The following PCDHA11 variants were observed in gnomAD, a reference collection of about 807,000 sequenced individuals.
PCDHA11 encodes the protein protocadherin alpha-11.
In PCDHA11, 61 loss-of-function variants were observed where a neutral mutation model predicts 70.3. The ratio of observed to expected loss-of-function variants is 0.87; its 90% CI spans 0.71 to 1.07. The LOEUF is 1.07. PCDHA11 is among the 50% of genes least tolerant of loss of function. The probability of loss-of-function intolerance (pLI) is 0.00; values close to 1 mark genes in which losing one functional copy is unlikely to be tolerated. For missense variants in PCDHA11, 1,324 were observed against 1,237.5 expected (o/e 1.07, Z -1.05); for synonymous variants, 633 against 555.1 (o/e 1.14, Z -1.97).
chr5:141,000,418 T>C (rs2097923101), intron 3 of PCDHA11, among the ~76,000 whole-genome samples: 1 of 83,682 alleles, frequency 1.2e-5, no homozygotes, highest in Admixed American at 1.7e-4. Flanking sequence ...TATATATATA[T>C]ATATTTTTTT....
chr5:140,902,209 T>C (rs1583451921), intron 1 of PCDHA11, among the ~76,000 whole-genome samples: 2 of 150,148 alleles, frequency 1.3e-5, no homozygotes, highest in African/African-American at 4.9e-5. Context: ...CTTTCTTTTT[T>C]TTTTTTTTTT....
chr5:140,924,752 G>A (rs970314481), intron 1 of PCDHA11, among the ~76,000 whole-genome samples: 5 of 151,648 alleles, frequency 3.3e-5, no homozygotes, highest in South Asian at 2.1e-4. Context: ...AAAATTAACC[G>A]AGCATGGTGG....
At chr5:140,998,300 G>C (rs1287043977) in intron 3 of PCDHA11, among the ~76,000 whole-genome samples, 1 of 152,194 alleles carries the variant, frequency 6.6e-6, no homozygotes, top group Non-Finnish European at 1.5e-5. Context: ...CACACATTTA[G>C]TAAGGGCACC....
rs2052595345 is a variant in PCDHA11 at position 140,870,976 on chromosome 5, C to T, written c.1873C>T (p.Leu625=). The change falls in exon 1 of 4, where the codon CTG becomes TTG. Residue 625 remains leucine (L), a synonymous_variant. Transcript: ENST00000398640. ...GGSRIPFRVG[L]YTGEISTTRA... is the part of the protein sequence containing the mutation. ...CTCGCGCATCCCGTTCCGCGTGGGG[C>T]TGTACACGGGCGAGATAAGCACAAC... The T allele has an allele frequency of 6.2e-7, 1 of 1,613,480 alleles. No homozygotes were observed. The highest frequency in any genetic ancestry group is 8.5e-7 in the Non-Finnish European group (1 of 1,179,902).
At chr5:140,921,695 A>G (rs1190217757) in intron 1 of PCDHA11, among the ~76,000 whole-genome samples, 1 of 152,216 alleles carries the variant, frequency 6.6e-6, no homozygotes, top group Admixed American at 6.5e-5. Context: ...GGCCACCTCA[A>G]TTTTAAACAG....
At chr5:140,927,795 G>A (rs781829757) in intron 1 of PCDHA11, 39 of 1,614,144 alleles carry the variant, frequency 2.4e-5, no homozygotes, top group Non-Finnish European at 3.2e-5. Context: ...CACTAGGTCC[G>A]CCTGAAACGC....
rs782699904 is a variant in PCDHA11 at position 140,969,414 on chromosome 5, G to A, written c.2392-9535G>A. The A allele has an allele frequency of 6.4e-6, 10 of 1,566,012 alleles. No homozygotes were observed. The Admixed American group carries it at 1.3e-4, about 21-fold the overall frequency. On this transcript the variant is annotated intron_variant, in intron 1 of 3. Coordinates refer to ENST00000398640, the MANE Select transcript of PCDHA11 (RefSeq NM_018902.5). ...ATATCCTGTGATTTGGCTTTATTGA[G>A]TCATTAACAGTGACAAGAGTTATCT...
chr5:140,876,936 G>T, intron 1 of PCDHA11: 1 of 1,613,730 alleles, frequency 6.2e-7, no homozygotes, highest in South Asian at 1.1e-5. Flanking sequence ...AGAAGAACGC[G>T]CTGGTGTCCT....
At chr5:140,876,653 C>G in intron 1 of PCDHA11, 1 of 1,614,200 alleles carries the variant, frequency 6.2e-7, no homozygotes, top group Non-Finnish European at 8.5e-7. Flanking sequence ...CCTCATGTTC[C>G]CTTCAAGCTG....
At chr5:140,884,317 G>C (rs1401667312) in intron 1 of PCDHA11, 15 of 1,613,780 alleles carry the variant, frequency 9.3e-6, no homozygotes, top group Non-Finnish European at 1.3e-5. Context: ...CGAGGGCGTC[G>C]GCAGGCGCTG....
rs1554181343 is a variant in PCDHA11, at chr5:140,884,223, A to G, written c.2391+12729A>G. ...CACCACCGCCTTCTGGTGCTGGTGAAGGACCACGGTGAGCCCGCGCTGACG... is the reference window on the plus strand; with the variant it reads ...CACCACCGCCTTCTGGTGCTGGTGAGGGACCACGGTGAGCCCGCGCTGACG... On this transcript the variant is annotated intron_variant, in intron 1 of 3. Coordinates refer to ENST00000398640, the MANE Select transcript of PCDHA11 (RefSeq NM_018902.5). 1.1e-5 allele frequency: 17 copies of G among 1,613,364 alleles called. No homozygotes were observed. The highest frequency in any genetic ancestry group is 1.7e-5 in the Admixed American group (1 of 59,998).
intron 1 of PCDHA11, among the ~76,000 whole-genome samples, chr5:140,893,580 G>C (rs555518122): frequency 1.5e-4 from 23 of 152,268 alleles, no homozygotes; most frequent in East Asian, 1.2e-3. Flanking sequence ...GTTTTTGCTT[G>C]TTTGGGAAAT....
intron 1 of PCDHA11, chr5:140,929,119 G>T (rs2085835460): frequency 1.2e-6 from 2 of 1,614,192 alleles, no homozygotes; most frequent in Non-Finnish European, 1.7e-6. Context: ...AGCCACCATA[G>T]ATGTCACTAC....
chr5:140,883,402 C>T lies in PCDHA11; in HGVS notation c.2391+11908C>T. ...CCCTAATCAGTGTGTCCGATCGTGACTCTGGCTCAAATGGACAGGTCACCT... is the reference window on the plus strand; with the variant it reads ...CCCTAATCAGTGTGTCCGATCGTGATTCTGGCTCAAATGGACAGGTCACCT... On this transcript the variant is annotated intron_variant, in intron 1 of 3. Coordinates refer to ENST00000398640, the MANE Select transcript of PCDHA11 (RefSeq NM_018902.5). 4 of 1,614,192 alleles carry T rather than the reference C, an allele frequency of 2.5e-6. No individual in the cohort carries two copies. The South Asian group carries it at 3.3e-5, about 13-fold the overall frequency.
chr5:140,885,727 A>G (rs539866953), intron 1 of PCDHA11, among the ~76,000 whole-genome samples: 1 of 152,308 alleles, frequency 6.6e-6, no homozygotes, highest in South Asian at 2.1e-4. Context: ...TCTCTGTGAA[A>G]TGATATTTCA....
At chr5:140,965,388 C>A (rs2095896527) in intron 1 of PCDHA11, among the ~76,000 whole-genome samples, 1 of 151,982 alleles carries the variant, frequency 6.6e-6, no homozygotes, top group Non-Finnish European at 1.5e-5. Flanking sequence ...CACAGAAGAA[C>A]AGAAGTCTAA....
intron 3 of PCDHA11, among the ~76,000 whole-genome samples, chr5:140,989,538 T>TAAA (rs2097347158): frequency 6.6e-6 from 1 of 152,180 alleles, no homozygotes; most frequent in Non-Finnish European, 1.5e-5. Flanking sequence ...GAAGATAGTT[T>TAAA]GTAATTCCTT....
intron 3 of PCDHA11, among the ~76,000 whole-genome samples, chr5:141,000,421 A>ATATAT (rs1265241806): frequency 3.6e-5 from 1 of 27,980 alleles, no homozygotes; most frequent in East Asian, 1.4e-3. Flanking sequence ...ATATATATAT[A>ATATAT]TTTTTTTTTT....
At chr5:140,947,530 CAATTTCTACAAAG>C (rs2094141786) in intron 1 of PCDHA11, among the ~76,000 whole-genome samples, 1 of 151,588 alleles carries the variant, frequency 6.6e-6, no homozygotes, top group African/African-American at 2.4e-5. Flanking sequence ...ATCAACTTTT[CAATTTCTACAAAG>C]AATTCCGCTG....
Sources: gnomAD v4.1 joint callset for allele counts (sites outside exome capture counted in the v4.1 genomes callset) on GRCh38, gnomAD v4.1.1 for gene constraint, MANE v1.5 for transcripts, NCBI Gene and HGNC (gene_info 2026-07-23, HGNC 2026-07-21) for gene names.